The following FAM168A variants were observed in gnomAD, a reference collection of about 807,000 sequenced individuals.
FAM168A encodes family with sequence similarity 168 member A, also known as protein FAM168A.
In FAM168A, 3 loss-of-function variants were observed where a neutral mutation model predicts 28.5. That is an observed-to-expected ratio of 0.11 (90% CI 0.05 to 0.27). The LOEUF (loss-of-function observed/expected upper bound fraction) is 0.27. Among genes scored for constraint, FAM168A ranks in the 10% least tolerant of loss-of-function variants. The pLI is 1.00. For missense variants in FAM168A, 222 were observed against 311.5 expected, an observed-to-expected ratio of 0.71 and a Z score of 2.16; for synonymous variants, 122 against 124.2, an observed-to-expected ratio of 0.98 and a Z score of 0.12.
chr11:73,593,539 C>T (rs926265325), intron 1 of FAM168A, among the ~76,000 whole-genome samples: 2 of 152,124 alleles, frequency 1.3e-5, no homozygotes, highest in African/African-American at 4.8e-5. Flanking sequence ...ATTTAAAGAA[C>T]TGTTTAAAGT....
rs376201217 is a variant in FAM168A, at chr11:73,411,476, G to T, written c.338C>A (p.Pro113His). The change falls in exon 5 of 8, where the codon CCC (proline) becomes CAC (histidine). Residue 113 changes from proline (P) to histidine (H), a missense_variant. Physicochemically the swap from Pro to His is moderately conservative, Grantham distance 77. This residue lies in a region of FAM168A where 153 missense variants were observed against 189.2 expected (regional missense o/e 0.81). Coordinates refer to ENST00000356467, the MANE Select transcript of FAM168A (RefSeq NM_015159.3). Reference sequence around the variant, plus strand: ...ATAGGGGTTGGGTGATGGGGAGTAGGGGGGTGGAGCAGTGTTACTCTGGGT... The same window carrying T: ...ATAGGGGTTGGGTGATGGGGAGTAGTGGGGTGGAGCAGTGTTACTCTGGGT... ...PPTQSNTAPP[P>H]YSPSPNPYQT... 2.5e-6 allele frequency: 4 copies of T among 1,613,770 alleles called. No individual in the cohort carries two copies. The East Asian group carries it at 8.9e-5, about 36-fold the overall frequency.
chr11:73,590,649 T>A (rs886477654), intron 1 of FAM168A, among the ~76,000 whole-genome samples: 4 of 152,242 alleles, frequency 2.6e-5, no homozygotes, highest in African/African-American at 9.6e-5. Context: ...TGCATTTTTT[T>A]CTACATGTTA....
At chr11:73,559,691 T>C (rs1943934811) in intron 1 of FAM168A, among the ~76,000 whole-genome samples, 1 of 152,218 alleles carries the variant, frequency 6.6e-6, no homozygotes, top group South Asian at 2.1e-4. Context: ...GGGTGATCAA[T>C]GTTTTGGAAC....
intron 1 of FAM168A, among the ~76,000 whole-genome samples, chr11:73,556,456 T>C (rs1353411973): frequency 6.6e-6 from 1 of 151,456 alleles, no homozygotes; most frequent in Non-Finnish European, 1.5e-5. Flanking sequence ...AGACAAATCC[T>C]ATATGATTCT....
chr11:73,490,960 T>C (rs1290184498), intron 1 of FAM168A, among the ~76,000 whole-genome samples: 3 of 152,170 alleles, frequency 2.0e-5, no homozygotes, highest in Non-Finnish European at 4.4e-5. Flanking sequence ...CTCCACACTT[T>C]TGAGGGAATA....
chr11:73,572,634 G>A (rs911645600), intron 1 of FAM168A, among the ~76,000 whole-genome samples: 1 of 149,596 alleles, frequency 6.7e-6, no homozygotes, highest in African/African-American at 2.5e-5. Flanking sequence ...AATGGATTAA[G>A]GGCGGTGCAA....
At chr11:73,440,968 G>A (rs560714580) in intron 2 of FAM168A, among the ~76,000 whole-genome samples, 2 of 151,970 alleles carry the variant, frequency 1.3e-5, no homozygotes, top group East Asian at 3.9e-4. Context: ...CCATACAGCT[G>A]ACTGGGGAGA....
At chr11:73,433,361 T>C (rs563079821) in intron 2 of FAM168A, among the ~76,000 whole-genome samples, 63 of 138,198 alleles carry the variant, frequency 4.6e-4, no homozygotes, top group African/African-American at 1.8e-4. Flanking sequence ...TATAAAGCCT[T>C]TGATGCAAAA....
intron 1 of FAM168A, among the ~76,000 whole-genome samples, chr11:73,515,112 A>G (rs1183553643): frequency 6.6e-6 from 1 of 152,200 alleles, no homozygotes; most frequent in Non-Finnish European, 1.5e-5. Context: ...CTGCCCCAAA[A>G]TAGCTCCCTC....
At position 73,419,979 on chromosome 11, in the gene FAM168A, C is replaced by G. The variant is rs759375117; in HGVS notation, c.172G>C (p.Ala58Pro). The change falls in exon 4 of 8, where the codon GCC becomes CCC. Residue 58 changes from alanine to proline, a missense_variant. By Grantham distance (27) the Ala-to-Pro change is conservative (BLOSUM62 -1). Around this residue, in one of 3 missense-constraint regions of FAM168A, gnomAD observed 153 missense variants for 189.2 expected, o/e 0.81. Transcript: ENST00000356467. ...CAGGAAGACGAGTTCTGTGGCCAGG[C>G]CTGTTTCATCAGCAGAGTTGCTTAA... is the stretch of plus-strand genomic sequence containing the variant. ...YAPATLLMKQ[A>P]WPQNSSSCGT... 41 of 1,613,604 alleles carry G rather than the reference C, an allele frequency of 2.5e-5. No homozygotes were observed. The highest frequency in any genetic ancestry group is 3.5e-5 in the Non-Finnish European group (41 of 1,179,792).
intron 2 of FAM168A, among the ~76,000 whole-genome samples, chr11:73,448,487 T>C (rs564993369): frequency 1.8e-4 from 28 of 152,382 alleles, no homozygotes; most frequent in African/African-American, 6.5e-4. Flanking sequence ...GCCTGGGTAA[T>C]TGTGATAGAC....
chr11:73,568,251 C>T (rs12295744), intron 1 of FAM168A, among the ~76,000 whole-genome samples: 46,838 of 152,050 alleles, frequency 0.31, 9,435 homozygotes, highest in African/African-American at 0.58. Context: ...ATTCCAATTT[C>T]TTATCTCATA....
intron 1 of FAM168A, among the ~76,000 whole-genome samples, chr11:73,588,895 C>T (rs1944348596): frequency 6.6e-6 from 1 of 152,142 alleles, no homozygotes; most frequent in South Asian, 2.1e-4. Flanking sequence ...AAAAGAGACA[C>T]CAGAGAGCTT....
chr11:73,402,603 C>G lies in FAM168A; in HGVS notation c.*4160G>C, dbSNP rs1431317049. The G allele has an allele frequency of 1.3e-5, 2 of 152,242 alleles. No individual in the cohort carries two copies. Among genetic ancestry groups the G allele is most frequent in the Non-Finnish European group, 2.9e-5 (2 of 68,074 alleles). 9.4% of individuals were successfully genotyped at this position (152,242 alleles called of 1,614,324 possible). ...GAAAAGCAAGCCCAGGGACTTCAGT[C>G]TGTACGTTTTGTACCAACTCACTGG... On this transcript the variant is annotated 3_prime_UTR_variant, in exon 8 of 8. Coordinates refer to ENST00000356467, the MANE Select transcript of FAM168A (RefSeq NM_015159.3).
At chr11:73,462,428 GC>G (rs1867662609) in intron 2 of FAM168A, among the ~76,000 whole-genome samples, 1 of 152,144 alleles carries the variant, frequency 6.6e-6, no homozygotes, top group Admixed American at 6.5e-5. Flanking sequence ...GTTGGTGATT[GC>G]CAGGAGCTGG....
chr11:73,502,487 T>C lies in FAM168A; in HGVS notation c.-18-33995A>G, dbSNP rs561387218. ...GAATAGACTGATAAGAAGTCTGAAATTGAGGCAGTAATTAATAGCCTATCA... is the reference window on the plus strand; with the variant it reads ...GAATAGACTGATAAGAAGTCTGAAACTGAGGCAGTAATTAATAGCCTATCA... On this transcript the variant is annotated intron_variant, in intron 1 of 7. Coordinates refer to ENST00000356467, the MANE Select transcript of FAM168A (RefSeq NM_015159.3). Among the ~76,000 whole-genome samples, 3 of 152,284 alleles carry C rather than the reference T, an allele frequency of 2.0e-5. No individual in the cohort carries two copies. The South Asian group carries it at 6.2e-4, about 32-fold the overall frequency.
intron 1 of FAM168A, among the ~76,000 whole-genome samples, chr11:73,492,499 G>A (rs561782662): frequency 7.9e-5 from 12 of 152,030 alleles, no homozygotes; most frequent in South Asian, 4.2e-4. Context: ...AAAATTAGCC[G>A]GGCACGGTGG....
chr11:73,536,007 T>A (rs2134670495), intron 1 of FAM168A, among the ~76,000 whole-genome samples: 1 of 152,090 alleles, frequency 6.6e-6, no homozygotes, highest in Non-Finnish European at 1.5e-5. Context: ...CCACCACGCC[T>A]AGCTAATTTT....
chr11:73,484,560 A>ATCTATATG (rs1465337698), intron 1 of FAM168A, among the ~76,000 whole-genome samples: 4 of 146,168 alleles, frequency 2.7e-5, no homozygotes, highest in African/African-American at 1.0e-4. Context: ...ATATCTATAT[A>ATCTATATG]TCTATATATC....
Sources: gnomAD v4.1 joint callset for allele counts (sites outside exome capture counted in the v4.1 genomes callset) on GRCh38, gnomAD v4.1.1 for gene constraint, gnomAD v4.1.1 regional missense constraint, MANE v1.5 for transcripts, NCBI Gene and HGNC (gene_info 2026-07-23, HGNC 2026-07-21) for gene names.